Variants in KHSRP observed in about 807,000 individuals in gnomAD.
KHSRP encodes KH-type splicing regulatory protein, also known as far upstream element-binding protein 2.
KHSRP carries 13 observed loss-of-function variants against 94.9 expected under a neutral mutation model. That is an observed-to-expected ratio of 0.14 (90% CI 0.09 to 0.22). KHSRP has a LOEUF of 0.22. Among genes scored for constraint, KHSRP ranks in the 10% least tolerant of loss-of-function variants. The probability of loss-of-function intolerance (pLI) is 1.00; values close to 1 mark genes in which losing one functional copy is unlikely to be tolerated. For synonymous variants in KHSRP, 495 were observed against 401.4 expected (o/e 1.23, Z -2.79); for missense variants, 710 against 1,010.0 (o/e 0.70, Z 4.03).
chr19:6,422,908 T>C (rs980832245), intron 1 of KHSRP, among the ~76,000 whole-genome samples: 6 of 152,150 alleles, frequency 3.9e-5, no homozygotes, highest in African/African-American at 1.4e-4. Flanking sequence ...CTCAAAATCC[T>C]TTTATCAATT....
In KHSRP at chr19:6,413,277, GAACA is replaced by G. The variant is rs1026510158; in HGVS notation, c.*1743_*1746del. On this transcript the variant is annotated 3_prime_UTR_variant, in exon 19 of 19. Coordinates refer to ENST00000600480, the MANE Select transcript of KHSRP (RefSeq NM_001366299.1). ...AGGCTTTTTAAACAACATCTATAAAGAACAAACATCCGCTTCAAAACTACAGGGA... is the reference window on the plus strand; with the variant it reads ...AGGCTTTTTAAACAACATCTATAAAGAACATCCGCTTCAAAACTACAGGGA... 7.4e-5 allele frequency: 15 copies of G among 201,756 alleles called. No individual in the cohort carries two copies. The highest frequency in any genetic ancestry group is 2.4e-4 in the South Asian group (5 of 20,954). 12.5% of individuals were successfully genotyped at this position (201,756 alleles called of 1,614,324 possible). A position where few individuals can be genotyped will look rare whatever the true frequency, so the allele number is the denominator to read the frequency against.
chr19:6,421,482 C>T lies in KHSRP; in HGVS notation c.386-165G>A, dbSNP rs2092194680. 6 of 991,872 alleles carry T rather than the reference C, an allele frequency of 6.0e-6. No homozygotes were observed. In the South Asian group the frequency reaches 7.5e-5, roughly 12 times the overall value. The allele number at this position is 991,872 out of a possible 1,614,324, so 61.4% of individuals were successfully genotyped here. A position where few individuals can be genotyped will look rare whatever the true frequency, so the allele number is the denominator to read the frequency against. ...CTCCCCATAAAAGCACAGAGCTCAT[C>T]TCCCTCAATTTCAGGGTTCCTGGGA... On this transcript the variant is annotated intron_variant, in intron 3 of 18. Coordinates refer to ENST00000600480, the MANE Select transcript of KHSRP (RefSeq NM_001366299.1).
chr19:6,416,931 G>A (rs766387472), intron 12 of KHSRP, 49 bp from the exon 13 acceptor site: 6 of 1,613,130 alleles, frequency 3.7e-6, no homozygotes, highest in Non-Finnish European at 5.1e-6. Flanking sequence ...AAGCCGGTCT[G>A]GTCTTGCACT....
In KHSRP at chr19:6,422,371, A is replaced by C. The variant is rs1277209901; in HGVS notation, c.315T>G (p.Phe105Leu). ...CTTCCAACTGTCTCTTTTGGCCCCCAAAACCAAAATCAGGAGTGCTGTTAT... is the reference window on the plus strand; with the variant it reads ...CTTCCAACTGTCTCTTTTGGCCCCCCAAACCAAAATCAGGAGTGCTGTTAT... ...TVNNSTPDFG[F>L]GGQKRQLEDG... The change falls in exon 2 of 19, where the codon TTT becomes TTG. Residue 105 changes from phenylalanine (F) to leucine (L), a missense_variant. Phe to Leu is a conservative substitution (Grantham distance 22, BLOSUM62 0). Transcript: ENST00000600480. 6.2e-7 allele frequency: 1 copy of C among 1,613,730 alleles called. No individual in the cohort carries two copies. The highest frequency in any genetic ancestry group is 1.7e-5 in the Admixed American group (1 of 60,014).
Position 6,418,403 on chromosome 19 carries a change from T to C in KHSRP, c.879+80A>G, listed in dbSNP as rs972363995. On this transcript the variant is annotated intron_variant, in intron 9 of 18. Coordinates refer to ENST00000600480, the MANE Select transcript of KHSRP (RefSeq NM_001366299.1). The surrounding 1 kb of genome is among the most constrained non-coding windows in gnomAD (Gnocchi z 4.3). ...CTGTTCACATATCTCTCTGGCGGAA[T>C]GCAGACCCCGAGACCGCTGGCCCTG... 54 of 996,504 alleles carry C rather than the reference T, an allele frequency of 5.4e-5. No homozygotes were observed. Among genetic ancestry groups the C allele is most frequent in the Non-Finnish European group, 7.7e-5 (49 of 640,300 alleles). The allele number at this position is 996,504 out of a possible 1,614,324, so 61.7% of individuals were successfully genotyped here.
intron 7 of KHSRP, among the ~76,000 whole-genome samples, 163 bp downstream of exon 7, chr19:6,419,040 T>C (rs2092176932): frequency 6.6e-6 from 1 of 152,228 alleles, no homozygotes; most frequent in Non-Finnish European, 1.5e-5. Context: ...TCCCCAGGTC[T>C]TGGGCTGCCG....
intron 11 of KHSRP, among the ~76,000 whole-genome samples, chr19:6,417,332 G>A (rs1217981070): frequency 6.6e-6 from 1 of 152,138 alleles, no homozygotes; most frequent in African/African-American, 2.4e-5. Context: ...CCAGCACTGA[G>A]AGATTTTACA....
In KHSRP at chr19:6,414,130, G is replaced by C; in HGVS notation, c.*894C>G. ...ATTCGATTCATTGAGCCTGCGGAGA[G>C]GGAAGAGATAGGAATTGGTCACTAC... On this transcript the variant is annotated 3_prime_UTR_variant, in exon 19 of 19. Transcript: ENST00000600480. The C allele has an allele frequency of 6.2e-7, 1 of 1,610,902 alleles. No homozygotes were observed. Among genetic ancestry groups the C allele is most frequent in the Non-Finnish European group, 8.5e-7 (1 of 1,177,978 alleles).
chr19:6,414,282 T>G lies in KHSRP; in HGVS notation c.*742A>C. The G allele has an allele frequency of 7.1e-7, 1 of 1,415,954 alleles. No homozygotes were observed. The highest frequency in any genetic ancestry group is 9.3e-7 in the Non-Finnish European group (1 of 1,078,720). 87.7% of individuals were successfully genotyped at this position (1,415,954 alleles called of 1,614,324 possible). ...TGGAAGGACGTGCTTGTTAACTGTC[T>G]AGCCAGGTGCTCGCGGGACTCGCTG... On this transcript the variant is annotated 3_prime_UTR_variant, in exon 19 of 19. Coordinates refer to ENST00000600480, the MANE Select transcript of KHSRP (RefSeq NM_001366299.1).
In KHSRP at chr19:6,421,699, G is replaced by C. The variant is rs755652167; in HGVS notation, c.347-11C>G. ...TGCTCTCCGGTTGATCTGGGAAAGA[G>C]AGAGGATGGCAGATGCAGCACCCAC... On this transcript the variant is annotated splice_polypyrimidine_tract_variant and intron_variant, in intron 2 of 18. Transcript: ENST00000600480. The C allele has an allele frequency of 1.1e-5, 17 of 1,613,720 alleles. No homozygotes were observed. Among genetic ancestry groups the C allele is most frequent in the Non-Finnish European group, 1.3e-5 (15 of 1,179,864 alleles).
In KHSRP at chr19:6,418,276, G is replaced by A. The variant is rs562137816; in HGVS notation, c.880-197C>T. 1.8e-4 allele frequency among the ~76,000 whole-genome samples: 28 copies of A among 152,258 alleles called. No homozygotes were observed. Among genetic ancestry groups the A allele is most frequent in the East Asian group, 3.9e-4 (2 of 5,178 alleles). On this transcript the variant is annotated intron_variant, in intron 9 of 18. Coordinates refer to ENST00000600480, the MANE Select transcript of KHSRP (RefSeq NM_001366299.1). The surrounding 1 kb of genome is among the most constrained non-coding windows in gnomAD (Gnocchi z 4.3). ...CCCGTTTCCAGATAAAAAAGCAGAA[G>A]GTCAGAGGTGAGGCCGGTGCCTCAC...
intron 15 of KHSRP, 38 bp from the exon 16 acceptor site, chr19:6,415,934 CGGGGGT>C: frequency 7.6e-7 from 1 of 1,311,556 alleles, no homozygotes; most frequent in Non-Finnish European, 1.0e-6. Flanking sequence ...AGCAGTGGTG[CGGGGGT>C]GGCCGCAGCC....
chr19:6,413,146 G>T lies in KHSRP; in HGVS notation c.*1878C>A, dbSNP rs548324400. On this transcript the variant is annotated 3_prime_UTR_variant, in exon 19 of 19. Transcript: ENST00000600480. ...ACTTTATTTAACAAAAAAAAAAAAG[G>T]GGGGGGGGCACGGTTAGGAAAGCAC... Among the ~76,000 whole-genome samples, 1 of 144,616 alleles carries T rather than the reference G, an allele frequency of 6.9e-6. No homozygotes were observed. Among genetic ancestry groups the T allele is most frequent in the Non-Finnish European group, 1.5e-5 (1 of 66,406 alleles). The allele number at this position is 144,616 out of a possible 152,430, so 94.9% of individuals were successfully genotyped here. A position where few individuals can be genotyped will look rare whatever the true frequency, so the allele number is the denominator to read the frequency against.
At position 6,415,280 on chromosome 19, in the gene KHSRP, C is replaced by T. The variant is rs1420403931; in HGVS notation, c.1988G>A (p.Gly663Asp). Reference sequence around the variant, plus strand: ...CTGGGAGCCTGGGGGAGCTCCTGGACCCCCTCCGGTGGCCACTTGCGCTGT... The same window carrying T: ...CTGGGAGCCTGGGGGAGCTCCTGGATCCCCTCCGGTGGCCACTTGCGCTGT... ...KKQAQVATGGGPGAPPGSQPD... is the reference protein window; with the variant it reads ...KKQAQVATGGDPGAPPGSQPD... The change falls in exon 19 of 19, where the codon GGT becomes GAT. Residue 663 changes from glycine to aspartate, a missense_variant. Physicochemically the swap from Gly to Asp is moderately conservative, Grantham distance 94. Around this residue, in one of 5 missense-constraint regions of KHSRP, gnomAD observed 292 missense variants for 340.5 expected, o/e 0.86. Transcript: ENST00000600480. The T allele has an allele frequency of 6.2e-7, 1 of 1,613,104 alleles. No homozygotes were observed. The highest frequency in any genetic ancestry group is 8.5e-7 in the Non-Finnish European group (1 of 1,179,842).
rs866748250 is a variant in KHSRP, at chr19:6,415,582, C to T, written c.1840G>A (p.Gly614Ser). The change falls in exon 17 of 19, where the codon GGC (glycine) becomes AGC (serine). Residue 614 changes from glycine (G) to serine (S), a missense_variant. Gly to Ser is a moderately conservative substitution (Grantham distance 56, BLOSUM62 0). Transcript: ENST00000600480. ...CAGGCCTTAGTGTAGTCCGACTGGCCGGTGGGTGGGGGCTGAGGGGGCTCA... is the reference window on the plus strand; with the variant it reads ...CAGGCCTTAGTGTAGTCCGACTGGCTGGTGGGTGGGGGCTGAGGGGGCTCA... Reference protein sequence around the residue: ...QGEPPQPPPTGQSDYTKAWEE... With the variant: ...QGEPPQPPPTSQSDYTKAWEE... The T allele has an allele frequency of 4.6e-5, 69 of 1,500,220 alleles. 1 individual carries two copies. In the East Asian group the frequency reaches 1.5e-3, roughly 32 times the overall value. The allele number at this position is 1,500,220 out of a possible 1,614,324, so 92.9% of individuals were successfully genotyped here. A position where few individuals can be genotyped will look rare whatever the true frequency, so the allele number is the denominator to read the frequency against.
Position 6,418,536 on chromosome 19 carries a change from T to C in KHSRP, c.826A>G (p.Asn276Asp), listed in dbSNP as rs758215805. 6.2e-7 allele frequency: 1 copy of C among 1,613,994 alleles called. No homozygotes were observed. Among genetic ancestry groups the C allele is most frequent in the South Asian group, 1.1e-5 (1 of 91,082 alleles). ...CGGAGAGGTTTGTCCACATTCGTAT[T>C]CTGAGATCCGTCCTGAATTAAGATC... ...KMILIQDGSQ[N>D]TNVDKPLRII... Residue 276 changes from asparagine (N) to aspartate (D), a missense_variant, in exon 9 of 19, where the codon AAT becomes GAT. Physicochemically the swap from Asn to Asp is conservative, Grantham distance 23 (BLOSUM62 1). Transcript: ENST00000600480. This position sits in a 1 kb window ranked among gnomAD's most constrained non-coding sequence, Gnocchi z 4.3.
chr19:6,414,621 T>TC lies in KHSRP; in HGVS notation c.*402dup. ...GGGCCGCTCCCCGCGTCCCCACCAGTCCCTGCCAGAGCCAGGCCGCCTGCA... is the reference window on the plus strand; with the variant it reads ...GGGCCGCTCCCCGCGTCCCCACCAGTCCCCTGCCAGAGCCAGGCCGCCTGCA... On this transcript the variant is annotated 3_prime_UTR_variant, in exon 19 of 19. Coordinates refer to ENST00000600480, the MANE Select transcript of KHSRP (RefSeq NM_001366299.1). 9.9e-7 allele frequency: 1 copy of TC among 1,010,114 alleles called. No individual in the cohort carries two copies. 62.6% of individuals were successfully genotyped at this position (1,010,114 alleles called of 1,614,324 possible).
rs1414898107 is a variant in KHSRP, at chr19:6,413,122, CTTTAT to C, written c.*1897_*1901del. Among the ~76,000 whole-genome samples, 14 of 93,130 alleles carry C rather than the reference CTTTAT, an allele frequency of 1.5e-4. No homozygotes were observed. The highest frequency in any genetic ancestry group is 1.5e-4 in the Admixed American group (1 of 6,654). 61.1% of individuals were successfully genotyped at this position (93,130 alleles called of 152,430 possible). ...CGCAGTCTTTTTTAAACAAAAAGCA[CTTTAT>C]TTAACAAAAAAAAAAAAGGGGGGGG... On this transcript the variant is annotated 3_prime_UTR_variant, in exon 19 of 19. Coordinates refer to ENST00000600480, the MANE Select transcript of KHSRP (RefSeq NM_001366299.1).
In KHSRP at chr19:6,424,809, T is replaced by A; in HGVS notation, c.-108A>T. 1 of 274,752 alleles carries A rather than the reference T, an allele frequency of 3.6e-6. No individual in the cohort carries two copies. Among genetic ancestry groups the A allele is most frequent in the Non-Finnish European group, 5.6e-6 (1 of 179,050 alleles). 17.0% of individuals were successfully genotyped at this position (274,752 alleles called of 1,614,324 possible). Reference sequence around the variant, plus strand: ...CTCGCTCCACACGGCCGCGGAGCACTCTGGGAACCCAGCCGCTGGGAGGAC... The same window carrying A: ...CTCGCTCCACACGGCCGCGGAGCACACTGGGAACCCAGCCGCTGGGAGGAC... On this transcript the variant is annotated 5_prime_UTR_variant, in exon 1 of 19. Transcript: ENST00000600480.
Sources: gnomAD v4.1 joint callset for allele counts (sites outside exome capture counted in the v4.1 genomes callset) on GRCh38, gnomAD v4.1.1 for gene constraint, gnomAD v4.1.1 regional missense constraint, Gnocchi (gnomAD v3.1) non-coding constraint, MANE v1.5 for transcripts, NCBI Gene and HGNC (gene_info 2026-07-23, HGNC 2026-07-21) for gene names.